The following CFAP47 variants were observed in gnomAD, a reference collection of about 807,000 sequenced individuals.
CFAP47 encodes the protein cilia- and flagella-associated protein 47.
CFAP47 carries 29 observed loss-of-function variants against 148.1 expected under a neutral mutation model. That is an observed-to-expected ratio of 0.20 (90% CI 0.15 to 0.27). The LOEUF is 0.27. Ranked by LOEUF, CFAP47 falls within the 10% of genes least tolerant of loss-of-function variation. The probability of loss-of-function intolerance (pLI) is 1.00; values close to 1 mark genes in which losing one functional copy is unlikely to be tolerated. For missense variants in CFAP47, 1,872 were observed against 1,697.5 expected, an observed-to-expected ratio of 1.10 and a Z score of -1.81; for synonymous variants, 664 against 577.3, an observed-to-expected ratio of 1.15 and a Z score of -2.15.
intron 39 of CFAP47, among the ~76,000 whole-genome samples, chrX:36,178,386 GA>G (rs1007604962): frequency 4.5e-5 from 5 of 111,226 alleles, no homozygotes; most frequent in African/African-American, 1.6e-4. Flanking sequence ...TTTGACTAAA[GA>G]AAAAAATAGA....
At chrX:35,923,592 C>T (rs182179285) in intron 1 of CFAP47, among the ~76,000 whole-genome samples, 2 of 109,887 alleles carry the variant, frequency 1.8e-5, no homozygotes, top group East Asian at 5.8e-4. Flanking sequence ...GAGGCCGAGG[C>T]GGGCAGATCA....
intron 29 of CFAP47, among the ~76,000 whole-genome samples, chrX:36,081,877 A>G (rs1569253033): frequency 9.0e-6 from 1 of 111,597 alleles, no homozygotes; most frequent in Non-Finnish European, 1.9e-5. Flanking sequence ...AGCCAATATC[A>G]TACTGAATGG....
chrX:35,959,372 A>T (rs1936289390), intron 8 of CFAP47, among the ~76,000 whole-genome samples: 1 of 111,979 alleles, frequency 8.9e-6, no homozygotes, highest in African/African-American at 3.2e-5. Context: ...GATAAAAGTA[A>T]TACTTTTGAC....
At chrX:36,019,002 T>C (rs1195620303) in intron 22 of CFAP47, among the ~76,000 whole-genome samples, 4 of 111,800 alleles carry the variant, frequency 3.6e-5, no homozygotes, top group Non-Finnish European at 7.5e-5. Context: ...TTTTATTATG[T>C]CTTGAATCTC....
intron 33 of CFAP47, among the ~76,000 whole-genome samples, chrX:36,136,847 T>C (rs1021046117): frequency 8.9e-6 from 1 of 111,849 alleles, no homozygotes; most frequent in Non-Finnish European, 1.9e-5. Context: ...AAAAATGTTA[T>C]TTATAAGTTT....
chrX:36,381,678 G>A (rs1265991504), intron 63 of CFAP47, among the ~76,000 whole-genome samples: 2 of 110,884 alleles, frequency 1.8e-5, no homozygotes, highest in East Asian at 5.7e-4. Flanking sequence ...TTTACAAAAA[G>A]CGGTGCCACT....
intron 49 of CFAP47, among the ~76,000 whole-genome samples, chrX:36,261,124 C>CTTTTTTTTT (rs33916345): frequency 2.6e-5 from 2 of 78,053 alleles, no homozygotes; most frequent in African/African-American, 1.0e-4. Flanking sequence ...AGTATAGTTT[C>CTTTTTTTTT]TTTTTTTTTT....
intron 22 of CFAP47, among the ~76,000 whole-genome samples, chrX:36,017,084 G>A (rs1195448398): frequency 9.0e-6 from 1 of 110,795 alleles, no homozygotes; most frequent in African/African-American, 3.3e-5. Context: ...GAAGTTTGAA[G>A]TTTCCTCAAA....
At chrX:36,098,497 C>T (rs964913004) in intron 30 of CFAP47, among the ~76,000 whole-genome samples, 6 of 110,940 alleles carry the variant, frequency 5.4e-5, no homozygotes, top group African/African-American at 1.6e-4. Flanking sequence ...TTCAGAGCAA[C>T]GGACTAGAGT....
At position 35,926,806 on chromosome X, in the gene CFAP47, G is replaced by A. The variant is rs189820738; in HGVS notation, c.401+638G>A. Among the ~76,000 whole-genome samples the A allele has an allele frequency of 7.2e-3, 797 of 110,329 alleles. 4 individuals carry two copies. Among genetic ancestry groups the A allele is most frequent in the Middle Eastern group, 0.018 (4 of 217 alleles). Reference sequence around the variant, plus strand: ...AGAATTAATTTGGAATATTTTCTGCGGATTACATGGTATTAGATATATACC... The same window carrying A: ...AGAATTAATTTGGAATATTTTCTGCAGATTACATGGTATTAGATATATACC... On this transcript the variant is annotated intron_variant, in intron 2 of 63. Coordinates refer to ENST00000378653, the MANE Select transcript of CFAP47 (RefSeq NM_001304548.2).
chrX:36,375,120 T>C (rs1942009407), intron 62 of CFAP47: 1 of 353,473 alleles, frequency 2.8e-6, no homozygotes, highest in East Asian at 6.5e-5. Context: ...AACCTGGCGT[T>C]TGCCTCTCTT....
chrX:35,924,300 C>CATGTATGTGTACAT (rs1935678499), intron 1 of CFAP47, among the ~76,000 whole-genome samples: 6 of 100,562 alleles, frequency 6.0e-5, no homozygotes, highest in Admixed American at 5.1e-4. Flanking sequence ...TATGTGTACA[C>CATGTATGTGTACAT]ATATGTATAT....
intron 38 of CFAP47, 36 bp from the exon 39 acceptor site, chrX:36,160,645 A>T (rs1602019281): frequency 6.9e-6 from 2 of 288,656 alleles, no homozygotes; most frequent in African/African-American, 5.6e-5. Context: ...ATTTTTTGTT[A>T]TTATCATGTG....
chrX:36,018,628 A>G (rs751186248), intron 22 of CFAP47, among the ~76,000 whole-genome samples: 1 of 112,282 alleles, frequency 8.9e-6, no homozygotes, highest in Non-Finnish European at 1.9e-5. Context: ...CATTCTGTTG[A>G]TATGATGTAT....
At chrX:36,186,663 T>C (rs891192854) in intron 40 of CFAP47, among the ~76,000 whole-genome samples, 1 of 111,686 alleles carries the variant, frequency 9.0e-6, no homozygotes, top group African/African-American at 3.3e-5. Flanking sequence ...AAATCACTTT[T>C]TGGGTTGATT....
In CFAP47 at chrX:36,136,131, G is replaced by A. The variant is rs758690341; in HGVS notation, c.5321-1827G>A. On this transcript the variant is annotated intron_variant, in intron 33 of 63. Coordinates refer to ENST00000378653, the MANE Select transcript of CFAP47 (RefSeq NM_001304548.2). ...TTCACTGTTAACAAAATAAGGTGGG[G>A]CGGGTGTCATAATGAATTCTGTGGT... Among the ~76,000 whole-genome samples, 14 of 110,706 alleles carry A rather than the reference G, an allele frequency of 1.3e-4. No homozygotes were observed. The East Asian group carries it at 4.0e-3, about 32-fold the overall frequency.
intron 49 of CFAP47, among the ~76,000 whole-genome samples, chrX:36,271,990 G>A (rs1940964799): frequency 9.0e-6 from 1 of 111,631 alleles, no homozygotes. Flanking sequence ...TAATTCAATA[G>A]GACCTACAGT....
At chrX:36,356,246 C>T (rs1941785126) in intron 60 of CFAP47, among the ~76,000 whole-genome samples, 1 of 111,358 alleles carries the variant, frequency 9.0e-6, no homozygotes, top group Admixed American at 9.6e-5. Context: ...CTCATCTCCA[C>T]CCGTCATTCT....
At chrX:36,300,946 C>G (rs782393025) in intron 52 of CFAP47, 126 bp from the exon 53 acceptor site, 91 of 425,961 alleles carry the variant, frequency 2.1e-4, no homozygotes, top group Non-Finnish European at 3.3e-4. Flanking sequence ...GTATGTGTTA[C>G]AGAGTAGTTG....
Sources: gnomAD v4.1 joint callset for allele counts (sites outside exome capture counted in the v4.1 genomes callset) on GRCh38, gnomAD v4.1.1 for gene constraint, MANE v1.5 for transcripts, NCBI Gene and HGNC (gene_info 2026-07-23, HGNC 2026-07-21) for gene names.